Variants in CADM2 observed in about 807,000 individuals in gnomAD.
CADM2 encodes the protein cell adhesion molecule 2.
CADM2 carries 12 observed loss-of-function variants against 49.8 expected under a neutral mutation model. The ratio of observed to expected loss-of-function variants is 0.24; its 90% CI spans 0.15 to 0.39. CADM2 has a LOEUF of 0.39. Ranked by LOEUF, CADM2 falls within the 10% of genes least tolerant of loss-of-function variation. CADM2 has a pLI of 1.00. For missense variants in CADM2, 378 were observed against 492.3 expected, an observed-to-expected ratio of 0.77 and a Z score of 2.20; for synonymous variants, 214 against 175.4, an observed-to-expected ratio of 1.22 and a Z score of -1.74.
intron 1 of CADM2, among the ~76,000 whole-genome samples, chr3:85,191,707 T>C (rs1327390111): frequency 6.6e-6 from 1 of 152,144 alleles, no homozygotes; most frequent in Admixed American, 6.6e-5. Context: ...TAAGTGAGTG[T>C]ATTAATGTTC....
intron 2 of CADM2, among the ~76,000 whole-genome samples, chr3:85,773,982 G>C (rs1387438931): frequency 6.6e-6 from 1 of 151,818 alleles, no homozygotes; most frequent in Non-Finnish European, 1.5e-5. Context: ...TGTTTTTGGA[G>C]GCTGATACTT....
At chr3:85,741,519 T>C (rs746776306) in intron 2 of CADM2, among the ~76,000 whole-genome samples, 56 of 151,910 alleles carry the variant, frequency 3.7e-4, no homozygotes, top group Admixed American at 5.9e-4. Context: ...AATACAAAAA[T>C]TAGCTGGGCA....
chr3:84,959,543 C>A lies in CADM2; in HGVS notation c.-65C>A, dbSNP rs1038166006. ...GGACACCAGCGGAGCCCTGCACTCT[C>A]GTGCCCCGCTCACCAGCATCTACTT... On this transcript the variant is annotated 5_prime_UTR_variant, in exon 1 of 10. Transcript: ENST00000383699. 1.4e-6 allele frequency: 2 copies of A among 1,445,632 alleles called. No individual in the cohort carries two copies. The highest frequency in any genetic ancestry group is 9.4e-7 in the Non-Finnish European group (1 of 1,064,234). The allele number at this position is 1,445,632 out of a possible 1,614,324, so 89.6% of individuals were successfully genotyped here.
chr3:85,256,784 T>C (rs2042894930), intron 1 of CADM2, among the ~76,000 whole-genome samples: 1 of 152,156 alleles, frequency 6.6e-6, no homozygotes, highest in African/African-American at 2.4e-5. Context: ...GTTTTATTGC[T>C]TTTCTGATAT....
intron 1 of CADM2, among the ~76,000 whole-genome samples, chr3:85,011,217 T>G (rs908270103): frequency 6.6e-6 from 1 of 152,134 alleles, no homozygotes; most frequent in Non-Finnish European, 1.5e-5. Flanking sequence ...TGACTTATAG[T>G]ATAGTTTTCA....
chr3:85,494,939 T>A (rs1294463969), intron 1 of CADM2, among the ~76,000 whole-genome samples: 1 of 152,184 alleles, frequency 6.6e-6, no homozygotes, highest in Non-Finnish European at 1.5e-5. Context: ...ACGTTAGACA[T>A]GATTTATGTT....
chr3:85,106,411 A>C (rs568487980), intron 1 of CADM2, among the ~76,000 whole-genome samples: 7 of 152,258 alleles, frequency 4.6e-5, no homozygotes, highest in African/African-American at 1.2e-4. Context: ...TGTAGCATCC[A>C]CCTGGTTTGA....
intron 1 of CADM2, among the ~76,000 whole-genome samples, chr3:85,489,662 A>C (rs1221863484): frequency 3.8e-5 from 4 of 105,662 alleles, no homozygotes; most frequent in Non-Finnish European, 9.9e-5. Context: ...ATAATAAAAG[A>C]AAAAAAATCA....
intron 3 of CADM2, among the ~76,000 whole-genome samples, chr3:85,855,621 C>CATATATATATATATATATATATATAT (rs142144366): frequency 7.4e-5 from 4 of 54,002 alleles, no homozygotes; most frequent in Non-Finnish European, 9.3e-5. Context: ...ATATATAAAA[C>CATATATATATATATATATATATATAT]ATATATATAT....
At chr3:85,879,715 C>G (rs1047249275) in intron 3 of CADM2, among the ~76,000 whole-genome samples, 5 of 152,080 alleles carry the variant, frequency 3.3e-5, no homozygotes, top group African/African-American at 1.2e-4. Context: ...TAATAGAGAG[C>G]TCTTGTGTAC....
At chr3:85,395,521 G>C (rs2034740395) in intron 1 of CADM2, among the ~76,000 whole-genome samples, 1 of 151,990 alleles carries the variant, frequency 6.6e-6, no homozygotes. Context: ...AACGATACCA[G>C]CATTAAAATA....
At position 85,912,633 on chromosome 3, in the gene CADM2, G is replaced by A. The variant is rs534833211; in HGVS notation, c.700+90G>A. ...CATTTCAAAACTACCTGAAGTTATA[G>A]CAAAGGTGCAGTAAAATCCACGGCA... On this transcript the variant is annotated intron_variant, in intron 6 of 9. Coordinates refer to ENST00000383699, the MANE Select transcript of CADM2 (RefSeq NM_001167675.2). 891 of 1,314,832 alleles carry A rather than the reference G, an allele frequency of 6.8e-4. 1 individual carries two copies. The highest frequency in any genetic ancestry group is 8.3e-4 in the Non-Finnish European group (786 of 944,216). The allele number at this position is 1,314,832 out of a possible 1,614,324, so 81.4% of individuals were successfully genotyped here.
chr3:85,652,727 A>G (rs971341122), intron 1 of CADM2, among the ~76,000 whole-genome samples: 1 of 150,580 alleles, frequency 6.6e-6, no homozygotes, highest in East Asian at 2.0e-4. Context: ...GTATTTCCCA[A>G]ATGCCAATGT....
intron 1 of CADM2, among the ~76,000 whole-genome samples, chr3:84,965,295 G>A (rs1052980607): frequency 1.3e-5 from 2 of 152,134 alleles, no homozygotes; most frequent in Admixed American, 1.3e-4. Flanking sequence ...GAAGCCCCCT[G>A]CTGTGTGATG....
At chr3:85,310,812 G>A (rs918951433) in intron 1 of CADM2, among the ~76,000 whole-genome samples, 1 of 152,072 alleles carries the variant, frequency 6.6e-6, no homozygotes, top group Non-Finnish European at 1.5e-5. Context: ...TTTCTCAGAG[G>A]CTATTCTCTC....
chr3:86,013,394 A>G, intron 8 of CADM2: 4 of 1,538,806 alleles, frequency 2.6e-6, no homozygotes, highest in South Asian at 1.1e-5. Flanking sequence ...CTCTGGATGG[A>G]CAGGAGGCCG....
chr3:85,799,091 G>T (rs1667859673), intron 2 of CADM2, among the ~76,000 whole-genome samples: 2 of 152,050 alleles, frequency 1.3e-5, no homozygotes, highest in Admixed American at 1.3e-4. Flanking sequence ...TTGTGTGTAG[G>T]AATGCCTGTG....
intron 1 of CADM2, among the ~76,000 whole-genome samples, chr3:85,211,496 A>G (rs1201530336): frequency 6.6e-6 from 1 of 151,920 alleles, no homozygotes; most frequent in Non-Finnish European, 1.5e-5. Context: ...TTCAATTTTC[A>G]TTTGTTCAAG....
intron 1 of CADM2, among the ~76,000 whole-genome samples, chr3:85,599,739 G>C (rs760855482): frequency 2.3e-4 from 35 of 151,710 alleles, no homozygotes; most frequent in Admixed American, 1.5e-3. Flanking sequence ...TAGATGTATA[G>C]GATTCTAGTA....
Sources: gnomAD v4.1 joint callset for allele counts (sites outside exome capture counted in the v4.1 genomes callset) on GRCh38, gnomAD v4.1.1 for gene constraint, MANE v1.5 for transcripts, NCBI Gene and HGNC (gene_info 2026-07-23, HGNC 2026-07-21) for gene names.